The following DYRK4 variants were observed in gnomAD, a reference collection of about 807,000 sequenced individuals.
DYRK4 encodes dual specificity tyrosine phosphorylation regulated kinase 4.
A neutral mutation model predicts 68.3 loss-of-function variants in DYRK4; 64 were observed. That is an observed-to-expected ratio of 0.94 (90% CI 0.77 to 1.15). The LOEUF is 1.15. DYRK4 is among the 50% of genes most tolerant of loss of function. DYRK4 has a pLI of 0.00. For synonymous variants in DYRK4, 274 were observed against 289.9 expected (o/e 0.95, Z 0.56); for missense variants, 740 against 764.7 (o/e 0.97, Z 0.38).
At chr12:4,609,211 G>A (rs1945189531) in intron 12 of DYRK4, among the ~76,000 whole-genome samples, 1 of 152,216 alleles carries the variant, frequency 6.6e-6, no homozygotes, top group African/African-American at 2.4e-5. Context: ...TTCACTTCCT[G>A]TGAAAGAAGG....
intron 2 of DYRK4, 44 bp downstream of exon 2, chr12:4,568,092 C>A: frequency 1.3e-6 from 2 of 1,501,832 alleles, no homozygotes; most frequent in African/African-American, 1.4e-5. Flanking sequence ...GGTATCATTG[C>A]GAGGTCCTAG....
At position 4,591,087 on chromosome 12, in the gene DYRK4, G is replaced by T; in HGVS notation, c.325-73G>T. 2 of 1,541,808 alleles carry T rather than the reference G, an allele frequency of 1.3e-6. No homozygotes were observed. The highest frequency in any genetic ancestry group is 1.3e-5 in the South Asian group (1 of 79,528). On this transcript the variant is annotated intron_variant, in intron 4 of 14. Coordinates refer to ENST00000543431, the MANE Select transcript of DYRK4 (RefSeq NM_001394779.1). This position sits in a 1 kb window ranked among gnomAD's most constrained non-coding sequence, Gnocchi z 4.1. ...GCCTGGCTGAAGGTGGGTGTCTTTG[G>T]TTAAATAAATGGTTTATGGCCCCCA...
At chr12:4,612,343 T>C (rs1370383449) in intron 13 of DYRK4, among the ~76,000 whole-genome samples, 200 bp from the exon 14 acceptor site, 3 of 152,244 alleles carry the variant, frequency 2.0e-5, no homozygotes, top group African/African-American at 4.8e-5. Flanking sequence ...TGGCTTGTTA[T>C]ACACATCTTC....
chr12:4,586,703 C>G (rs528863062), intron 2 of DYRK4, among the ~76,000 whole-genome samples: 2 of 124,346 alleles, frequency 1.6e-5, no homozygotes, highest in African/African-American at 3.1e-5. Flanking sequence ...TCCTGGGCTG[C>G]GTACACACAC....
intron 13 of DYRK4, 146 bp downstream of exon 13, chr12:4,610,430 G>C: frequency 1.3e-6 from 1 of 791,214 alleles, no homozygotes. Context: ...TCTACAAATT[G>C]CTTCCACATC....
chr12:4,599,543 G>C, intron 9 of DYRK4, 164 bp from the exon 10 acceptor site: 1 of 594,020 alleles, frequency 1.7e-6, no homozygotes, highest in Non-Finnish European at 3.0e-6. Context: ...AAGTCAAATG[G>C]AAAGTCAGAG....
chr12:4,591,703 C>T lies in DYRK4; in HGVS notation c.463+405C>T, dbSNP rs1217343877. On this transcript the variant is annotated intron_variant, in intron 5 of 14. Transcript: ENST00000543431. The surrounding 1 kb of genome is among the most constrained non-coding windows in gnomAD (Gnocchi z 4.1). Reference sequence around the variant, plus strand: ...AGAGCAAAGGGTGCTGAAGCTTGCTCCTTCCTCTTGATAAGGAGGTGTTGG... The same window carrying T: ...AGAGCAAAGGGTGCTGAAGCTTGCTTCTTCCTCTTGATAAGGAGGTGTTGG... The T allele has an allele frequency of 1.8e-5, 3 of 164,044 alleles. No homozygotes were observed. The highest frequency in any genetic ancestry group is 1.9e-4 in the South Asian group (1 of 5,234). The allele number at this position is 164,044 out of a possible 1,614,324, so 10.2% of individuals were successfully genotyped here. A position where few individuals can be genotyped will look rare whatever the true frequency, so the allele number is the denominator to read the frequency against.
chr12:4,567,654 G>T (rs1479415554), intron 1 of DYRK4, among the ~76,000 whole-genome samples: 1 of 152,208 alleles, frequency 6.6e-6, no homozygotes, highest in East Asian at 1.9e-4. Context: ...TATTATGTTT[G>T]TGGCAAAAGC....
chr12:4,562,273 A>C lies in DYRK4; in HGVS notation c.28A>C (p.Thr10Pro). 1 of 1,532,136 alleles carries C rather than the reference A, an allele frequency of 6.5e-7. No individual in the cohort carries two copies. Among genetic ancestry groups the C allele is most frequent in the Non-Finnish European group, 8.7e-7 (1 of 1,145,236 alleles). The allele number at this position is 1,532,136 out of a possible 1,614,324, so 94.9% of individuals were successfully genotyped here. A position where few individuals can be genotyped will look rare whatever the true frequency, so the allele number is the denominator to read the frequency against. The change falls in exon 1 of 15, where the codon ACC becomes CCC. Residue 10 changes from threonine (T) to proline (P), a missense_variant. By Grantham distance (38) the Thr-to-Pro change is conservative (BLOSUM62 -1). Around this residue, in one of 3 missense-constraint regions of DYRK4, gnomAD observed 70 missense variants for 71.1 expected, o/e 0.98. Coordinates refer to ENST00000543431, the MANE Select transcript of DYRK4 (RefSeq NM_001394779.1). ...GCAGCTCCTCCCGCCGCCTATCCGCACCGGAACAAAGTAAGGGCCGCGGAG... is the reference window on the plus strand; with the variant it reads ...GCAGCTCCTCCCGCCGCCTATCCGCCCCGGAACAAAGTAAGGGCCGCGGAG... MQLLPPPIR[T>P]GTKTQMDAKK...
intron 2 of DYRK4, among the ~76,000 whole-genome samples, chr12:4,577,512 G>T (rs1187073763): frequency 6.6e-6 from 1 of 152,202 alleles, no homozygotes; most frequent in African/African-American, 2.4e-5. Flanking sequence ...TTTCTTCAGT[G>T]CCACACTGTC....
intron 2 of DYRK4, among the ~76,000 whole-genome samples, chr12:4,584,439 C>T (rs1484515629): frequency 6.6e-6 from 1 of 151,968 alleles, no homozygotes; most frequent in Admixed American, 6.6e-5. Context: ...GACTGAGTAA[C>T]TGGAAGGAAC....
At chr12:4,581,673 C>T (rs1944843538) in intron 2 of DYRK4, among the ~76,000 whole-genome samples, 2 of 152,150 alleles carry the variant, frequency 1.3e-5, no homozygotes, top group South Asian at 4.1e-4. Context: ...GCTCAGTTGT[C>T]TCCCTGGACA....
At chr12:4,611,921 CTG>C in intron 13 of DYRK4, among the ~76,000 whole-genome samples, 1 of 152,282 alleles carries the variant, frequency 6.6e-6, no homozygotes, top group Non-Finnish European at 1.5e-5. Flanking sequence ...GTAAAAGTTA[CTG>C]GGAAGCAAAC....
rs190995962 is a variant in DYRK4, at chr12:4,567,542, T to C, written c.39-413T>C. ...TGAAGAAGATGCAAACATGGCCAAA[T>C]GAGAGTTAGAGGAAGTGTTTCTACC... On this transcript the variant is annotated intron_variant, in intron 1 of 14. Transcript: ENST00000543431. Among the ~76,000 whole-genome samples, 12 of 152,330 alleles carry C rather than the reference T, an allele frequency of 7.9e-5. No homozygotes were observed. In the East Asian group the frequency reaches 2.1e-3, roughly 27 times the overall value.
intron 8 of DYRK4, chr12:4,597,014 A>C: frequency 8.0e-7 from 1 of 1,242,880 alleles, no homozygotes; most frequent in South Asian, 1.9e-5. Flanking sequence ...TAAGAGCTAA[A>C]CTGAAATAGT....
intron 2 of DYRK4, among the ~76,000 whole-genome samples, chr12:4,586,331 T>C (rs534023551): frequency 5.3e-5 from 8 of 152,272 alleles, no homozygotes; most frequent in African/African-American, 1.7e-4. Context: ...ATAAAATCTT[T>C]TGTTACATAG....
chr12:4,611,581 G>A (rs569201274), intron 13 of DYRK4, among the ~76,000 whole-genome samples: 7 of 152,250 alleles, frequency 4.6e-5, no homozygotes, highest in East Asian at 3.9e-4. Context: ...CTTTGTAGGC[G>A]AACTCCAGAA....
In DYRK4 at chr12:4,562,293, G is replaced by A. The variant is rs1944634098; in HGVS notation, c.38+10G>A. 1.3e-6 allele frequency: 2 copies of A among 1,531,546 alleles called. No individual in the cohort carries two copies. The highest frequency in any genetic ancestry group is 2.5e-5 in the East Asian group (1 of 40,378). The allele number at this position is 1,531,546 out of a possible 1,614,324, so 94.9% of individuals were successfully genotyped here. A position where few individuals can be genotyped will look rare whatever the true frequency, so the allele number is the denominator to read the frequency against. Reference sequence around the variant, plus strand: ...TCCGCACCGGAACAAAGTAAGGGCCGCGGAGGCTCGTACTTCACGAGCAGT... The same window carrying A: ...TCCGCACCGGAACAAAGTAAGGGCCACGGAGGCTCGTACTTCACGAGCAGT... On this transcript the variant is annotated intron_variant, in intron 1 of 14. Coordinates refer to ENST00000543431, the MANE Select transcript of DYRK4 (RefSeq NM_001394779.1).
Position 4,610,287 on chromosome 12 carries a change from G to A in DYRK4, c.1490+3G>A. On this transcript the variant is annotated splice_donor_region_variant and intron_variant, in intron 13 of 14. Transcript: ENST00000543431. ...GACTTTCTCAGAAGGTGTTTGGTGT[G>A]AGTTTGTTGGGACATCTCTGCTTCT... 1.6e-5 allele frequency: 24 copies of A among 1,546,984 alleles called. No homozygotes were observed. Among genetic ancestry groups the A allele is most frequent in the Non-Finnish European group, 2.1e-5 (24 of 1,152,324 alleles).
Sources: gnomAD v4.1 joint callset for allele counts (sites outside exome capture counted in the v4.1 genomes callset) on GRCh38, gnomAD v4.1.1 for gene constraint, gnomAD v4.1.1 regional missense constraint, Gnocchi (gnomAD v3.1) non-coding constraint, MANE v1.5 for transcripts, NCBI Gene and HGNC (gene_info 2026-07-23, HGNC 2026-07-21) for gene names.